Variants in PTPRN2 observed in about 807,000 individuals in gnomAD.
PTPRN2 encodes the protein protein tyrosine phosphatase receptor type N2, also known as receptor-type tyrosine-protein phosphatase N2.
In PTPRN2, 74 loss-of-function variants were observed where a neutral mutation model predicts 118.8. That is an observed-to-expected ratio of 0.62 (90% CI 0.52 to 0.76). PTPRN2 has a LOEUF of 0.76. PTPRN2 is among the 30% of genes least tolerant of loss of function. The pLI is 0.00. For synonymous variants in PTPRN2, 641 were observed against 608.0 expected (o/e 1.05, Z -0.80); for missense variants, 1,481 against 1,394.4 (o/e 1.06, Z -0.99).
chr7:157,663,193 CA>C (rs1467536649), intron 13 of PTPRN2, among the ~76,000 whole-genome samples: 1 of 152,148 alleles, frequency 6.6e-6, no homozygotes, highest in Non-Finnish European at 1.5e-5. Context: ...GCAGGTACGG[CA>C]GGGGTGGCAA....
At chr7:157,778,309 A>C (rs1803459336) in intron 12 of PTPRN2, among the ~76,000 whole-genome samples, 1 of 152,246 alleles carries the variant, frequency 6.6e-6, no homozygotes, top group Non-Finnish European at 1.5e-5. Context: ...AAACATGTAC[A>C]TGTGAATACA....
intron 2 of PTPRN2, among the ~76,000 whole-genome samples, chr7:158,449,846 C>G (rs1817981410): frequency 6.6e-6 from 1 of 152,162 alleles, no homozygotes; most frequent in Admixed American, 6.5e-5. Context: ...CTTTTTCTTC[C>G]TAAAATATTT....
chr7:158,585,081 G>A (rs975561903), intron 1 of PTPRN2, among the ~76,000 whole-genome samples: 2 of 152,184 alleles, frequency 1.3e-5, no homozygotes, highest in Admixed American at 6.5e-5. Flanking sequence ...ATCTTTAATC[G>A]AGCCTCATTA....
At chr7:158,037,476 T>C (rs1808167854) in intron 11 of PTPRN2, among the ~76,000 whole-genome samples, 3 of 152,260 alleles carry the variant, frequency 2.0e-5, no homozygotes, top group South Asian at 4.1e-4. Context: ...ACCAATGGTA[T>C]GTATTTGCGT....
chr7:158,266,156 C>T (rs1350635468), intron 3 of PTPRN2, among the ~76,000 whole-genome samples: 213 of 832 alleles, frequency 0.26, no homozygotes, highest in Non-Finnish European at 0.37. Flanking sequence ...GCGTCTGCTG[C>T]GGGGTATTGT....
intron 12 of PTPRN2, among the ~76,000 whole-genome samples, chr7:157,860,371 C>T (rs1265056168): frequency 1.3e-5 from 2 of 152,206 alleles, no homozygotes; most frequent in Non-Finnish European, 2.9e-5. Flanking sequence ...CCACAGCCTT[C>T]GCGCCTCTCC....
At chr7:157,968,680 A>G (rs865790363) in intron 11 of PTPRN2, among the ~76,000 whole-genome samples, 16 of 152,328 alleles carry the variant, frequency 1.1e-4, no homozygotes, top group Middle Eastern at 3.4e-3. Flanking sequence ...TGAAGAATCC[A>G]GCCTGGGTGT....
At chr7:158,023,561 C>A (rs551910138) in intron 11 of PTPRN2, among the ~76,000 whole-genome samples, 5 of 152,174 alleles carry the variant, frequency 3.3e-5, no homozygotes, top group Admixed American at 6.5e-5. Flanking sequence ...AGCCGAGGAG[C>A]GAGTTCCTTG....
At position 157,585,190 on chromosome 7, in the gene PTPRN2, G is replaced by A. The variant is rs1800611229; in HGVS notation, c.2497-7050C>T. Among the ~76,000 whole-genome samples the A allele has an allele frequency of 6.6e-6, 1 of 152,202 alleles. No homozygotes were observed. Among genetic ancestry groups the A allele is most frequent in the African/African-American group, 2.4e-5 (1 of 41,464 alleles). On this transcript the variant is annotated intron_variant, in intron 17 of 22. Coordinates refer to ENST00000389418, the MANE Select transcript of PTPRN2 (RefSeq NM_002847.5). The surrounding 1 kb of genome is among the most constrained non-coding windows in gnomAD (Gnocchi z 5.2). ...AACCCCCCTGTGCCGCTATCAGATC[G>A]ACGCCTGTGCTGCCTTGTAGCCCCA...
At chr7:157,688,791 A>C (rs1024532295) in intron 12 of PTPRN2, among the ~76,000 whole-genome samples, 1 of 152,164 alleles carries the variant, frequency 6.6e-6, no homozygotes, top group Non-Finnish European at 1.5e-5. Flanking sequence ...GAGGGAAAGG[A>C]GGGTCAGCGT....
At position 157,630,922 on chromosome 7, in the gene PTPRN2, C is replaced by T. The variant is rs573130085; in HGVS notation, c.2197-9413G>A. Among the ~76,000 whole-genome samples, 5 of 152,284 alleles carry T rather than the reference C, an allele frequency of 3.3e-5. No homozygotes were observed. In the East Asian group the frequency reaches 7.7e-4, roughly 23 times the overall value. ...GCAGTAAGTCATATGCTTCCCTTAC[C>T]GCAGGGAACTGGGAAGTGGTCAACA... On this transcript the variant is annotated intron_variant, in intron 14 of 22. Transcript: ENST00000389418.
intron 10 of PTPRN2, among the ~76,000 whole-genome samples, chr7:158,110,051 G>A (rs752936447): frequency 6.6e-6 from 1 of 151,282 alleles, no homozygotes; most frequent in Non-Finnish European, 1.5e-5. Flanking sequence ...GGGCCAGTGA[G>A]TGAACAACAC....
chr7:157,552,025 C>T (rs1798656716), intron 21 of PTPRN2, among the ~76,000 whole-genome samples: 1 of 151,418 alleles, frequency 6.6e-6, no homozygotes, highest in Non-Finnish European at 1.5e-5. Context: ...CAGCACCCAA[C>T]CCACAGCTGG....
chr7:157,757,409 C>T (rs1213206002), intron 12 of PTPRN2, among the ~76,000 whole-genome samples: 1 of 152,114 alleles, frequency 6.6e-6, no homozygotes, highest in Non-Finnish European at 1.5e-5. Context: ...GCTCACCCTC[C>T]GACTGAGGCA....
At chr7:158,033,773 C>T (rs73171520) in intron 11 of PTPRN2, among the ~76,000 whole-genome samples, 1 of 150,086 alleles carries the variant, frequency 6.7e-6, no homozygotes, top group South Asian at 2.1e-4. Context: ...GGTGCACATC[C>T]CTGGTCAGCA....
At position 157,879,986 on chromosome 7, in the gene PTPRN2, T is replaced by A. The variant is rs186701615; in HGVS notation, c.1788+18687A>T. ...TTGAGTATTATCCACTGCTAATTTT[T>A]ATGAAAATTTGGGCAACATAATGTT... On this transcript the variant is annotated intron_variant, in intron 12 of 22. Coordinates refer to ENST00000389418, the MANE Select transcript of PTPRN2 (RefSeq NM_002847.5). Among the ~76,000 whole-genome samples the A allele has an allele frequency of 1.4e-3, 219 of 152,350 alleles. 1 individual carries two copies. Among genetic ancestry groups the A allele is most frequent in the Non-Finnish European group, 2.8e-3 (188 of 68,038 alleles).
chr7:157,656,308 A>C, intron 14 of PTPRN2, 49 bp downstream of exon 14: 27 of 1,466,090 alleles, frequency 1.8e-5, no homozygotes, highest in South Asian at 2.5e-5. Flanking sequence ...GGGCCGAGGA[A>C]GGAGGGCCCT....
chr7:157,596,255 G>T lies in PTPRN2; in HGVS notation c.2419-940C>A, dbSNP rs535749041. On this transcript the variant is annotated intron_variant, in intron 16 of 22. Coordinates refer to ENST00000389418, the MANE Select transcript of PTPRN2 (RefSeq NM_002847.5). The surrounding 1 kb of genome is among the most constrained non-coding windows in gnomAD (Gnocchi z 4.2). Reference sequence around the variant, plus strand: ...TTGTTTTTGTGTATCCTGGAAAGGGGGCACAGGCACAGCCGGTCAGCCTGG... The same window carrying T: ...TTGTTTTTGTGTATCCTGGAAAGGGTGCACAGGCACAGCCGGTCAGCCTGG... 7.9e-5 allele frequency among the ~76,000 whole-genome samples: 12 copies of T among 152,308 alleles called. No individual in the cohort carries two copies. In the South Asian group the frequency reaches 2.5e-3, roughly 32 times the overall value.
chr7:158,448,890 A>G (rs528642406), intron 2 of PTPRN2, among the ~76,000 whole-genome samples: 2 of 152,314 alleles, frequency 1.3e-5, no homozygotes, highest in East Asian at 3.9e-4. Flanking sequence ...GGGATGCCAC[A>G]TATCTGTGGG....
Sources: gnomAD v4.1 joint callset for allele counts (sites outside exome capture counted in the v4.1 genomes callset) on GRCh38, gnomAD v4.1.1 for gene constraint, Gnocchi (gnomAD v3.1) non-coding constraint, MANE v1.5 for transcripts, NCBI Gene and HGNC (gene_info 2026-07-23, HGNC 2026-07-21) for gene names.